The following CFDP1 variants were observed in gnomAD, a reference collection of about 807,000 sequenced individuals.
CFDP1 encodes the protein chromatin remodeling protein CFDP1.
Under a neutral mutation model 40.1 loss-of-function variants are expected in CFDP1, and 31 were observed. That is an observed-to-expected ratio of 0.77 (90% CI 0.58 to 1.04). CFDP1 has a LOEUF of 1.04. CFDP1 is among the 50% of genes least tolerant of loss of function. The pLI, the probability that CFDP1 is intolerant of heterozygous loss-of-function variation, is 0.00. For missense variants in CFDP1, 423 were observed against 343.4 expected, an observed-to-expected ratio of 1.23 and a Z score of -1.83; for synonymous variants, 167 against 120.0, an observed-to-expected ratio of 1.39 and a Z score of -2.56.
intron 4 of CFDP1, among the ~76,000 whole-genome samples, chr16:75,409,043 G>A (rs925932333): frequency 6.6e-6 from 1 of 151,652 alleles, no homozygotes; most frequent in Non-Finnish European, 1.5e-5. Context: ...ATTTTTAGTA[G>A]AGACGGGGTT....
chr16:75,404,682 A>G (rs1371012057), intron 4 of CFDP1, among the ~76,000 whole-genome samples: 1 of 152,092 alleles, frequency 6.6e-6, no homozygotes, highest in Non-Finnish European at 1.5e-5. Flanking sequence ...GACATTATGC[A>G]ATACAAATGG....
intron 5 of CFDP1, among the ~76,000 whole-genome samples, chr16:75,347,821 C>T (rs1304512545): frequency 6.6e-6 from 1 of 152,132 alleles, no homozygotes; most frequent in East Asian, 1.9e-4. Context: ...AAGGACAAAT[C>T]CCCTCTCTGG....
At chr16:75,359,822 T>G (rs2078670578) in intron 5 of CFDP1, among the ~76,000 whole-genome samples, 1 of 152,230 alleles carries the variant, frequency 6.6e-6, no homozygotes. Flanking sequence ...CCAATTTATC[T>G]GAGTGCCAGT....
chr16:75,349,645 C>T (rs567472384), intron 5 of CFDP1, among the ~76,000 whole-genome samples: 822 of 60,520 alleles, frequency 0.014, 7 homozygotes, highest in Middle Eastern at 0.036. Flanking sequence ...AGCGAGACTC[C>T]GTCTCAAAAA....
intron 1 of CFDP1, among the ~76,000 whole-genome samples, chr16:75,415,397 C>A (rs550119145): frequency 1.3e-5 from 2 of 152,130 alleles, no homozygotes; most frequent in African/African-American, 4.8e-5. Flanking sequence ...CCAAAAAGCA[C>A]ACAAATCTAA....
At chr16:75,301,972 A>G (rs2078224845) in intron 6 of CFDP1, 1 of 152,490 alleles carries the variant, frequency 6.6e-6, no homozygotes, top group Admixed American at 6.5e-5. Context: ...GCAGATGAGA[A>G]GGGCTGAGGC....
At chr16:75,416,009 C>A (rs1441117812) in intron 1 of CFDP1, among the ~76,000 whole-genome samples, 3 of 152,152 alleles carry the variant, frequency 2.0e-5, no homozygotes, top group African/African-American at 7.2e-5. Context: ...TGTGCCACCA[C>A]ACCCAGCTGA....
chr16:75,353,593 CA>C (rs1321229421), intron 5 of CFDP1, among the ~76,000 whole-genome samples: 2 of 151,666 alleles, frequency 1.3e-5, no homozygotes. Context: ...ACTAAAAATA[CA>C]AAAAATTAGC....
chr16:75,335,635 C>T (rs1015582741), intron 5 of CFDP1, among the ~76,000 whole-genome samples: 1 of 150,558 alleles, frequency 6.6e-6, no homozygotes, highest in Non-Finnish European at 1.5e-5. Context: ...CGGCTCACTG[C>T]AAGCTCCGCC....
chr16:75,387,067 CAAAT>C (rs1401263970), intron 5 of CFDP1, among the ~76,000 whole-genome samples: 1 of 151,666 alleles, frequency 6.6e-6, no homozygotes, highest in Non-Finnish European at 1.5e-5. Flanking sequence ...AAGTTAAAAA[CAAAT>C]GAAGCACGGT....
At chr16:75,432,370 TAAAAAAAAAA>T (rs55961935) in intron 1 of CFDP1, among the ~76,000 whole-genome samples, 1 of 105,582 alleles carries the variant, frequency 9.5e-6, no homozygotes, top group Non-Finnish European at 1.8e-5. Flanking sequence ...ATGCCATTTC[TAAAAAAAAAA>T]AAAAAAAAAA....
intron 5 of CFDP1, among the ~76,000 whole-genome samples, chr16:75,364,244 AC>A: frequency 6.6e-6 from 1 of 152,232 alleles, no homozygotes; most frequent in Non-Finnish European, 1.5e-5. Flanking sequence ...GTATTAATGT[AC>A]CAAGTAAAAT....
At chr16:75,329,981 T>C (rs1057174721) in intron 5 of CFDP1, among the ~76,000 whole-genome samples, 2 of 152,156 alleles carry the variant, frequency 1.3e-5, no homozygotes, top group African/African-American at 4.8e-5. Context: ...TATTTTTTAG[T>C]GTTTTTCAGT....
chr16:75,322,345 A>C lies in CFDP1; in HGVS notation c.651-17163T>G, dbSNP rs192873511. On this transcript the variant is annotated intron_variant, in intron 5 of 6. Coordinates refer to ENST00000283882, the MANE Select transcript of CFDP1 (RefSeq NM_006324.3). ...GAAACCTGTCCCTCCCACTTAATAA[A>C]TTTTTATTTATAGTCATGTGTTGCT... Among the ~76,000 whole-genome samples the C allele has an allele frequency of 1.3e-3, 191 of 152,262 alleles. 1 individual carries two copies. Among genetic ancestry groups the C allele is most frequent in the African/African-American group, 4.5e-3 (185 of 41,546 alleles).
At chr16:75,417,902 T>C (rs1420518083) in intron 1 of CFDP1, among the ~76,000 whole-genome samples, 1 of 151,850 alleles carries the variant, frequency 6.6e-6, no homozygotes, top group Non-Finnish European at 1.5e-5. Context: ...TTAAAGCAAG[T>C]AATTAATCAC....
chr16:75,359,659 C>T (rs923883833), intron 5 of CFDP1, among the ~76,000 whole-genome samples: 1 of 152,180 alleles, frequency 6.6e-6, no homozygotes, highest in East Asian at 1.9e-4. Context: ...CTCCACCTTG[C>T]ACTTGGTACC....
At chr16:75,378,270 T>G (rs2078819198) in intron 5 of CFDP1, among the ~76,000 whole-genome samples, 1 of 53,840 alleles carries the variant, frequency 1.9e-5, no homozygotes. Context: ...GTGGAATGAG[T>G]AAGGAGCATC....
chr16:75,374,541 G>C (rs2078777463), intron 5 of CFDP1, among the ~76,000 whole-genome samples: 1 of 151,770 alleles, frequency 6.6e-6, no homozygotes, highest in South Asian at 2.1e-4. Context: ...AATGGGCGGG[G>C]CATAGTGGCT....
chr16:75,303,830 A>G (rs930764706), intron 6 of CFDP1, among the ~76,000 whole-genome samples: 1 of 152,154 alleles, frequency 6.6e-6, no homozygotes, highest in Non-Finnish European at 1.5e-5. Context: ...TTATTGGTAA[A>G]GGAGCTGAGC....
Sources: gnomAD v4.1 joint callset for allele counts (sites outside exome capture counted in the v4.1 genomes callset) on GRCh38, gnomAD v4.1.1 for gene constraint, MANE v1.5 for transcripts, NCBI Gene and HGNC (gene_info 2026-07-23, HGNC 2026-07-21) for gene names.